RSRC1: variants seen among roughly 807,000 people sequenced by gnomAD.
RSRC1 encodes the protein serine/Arginine-related protein 53.
Under a neutral mutation model 49.1 loss-of-function variants are expected in RSRC1, and 39 were observed. The observed-to-expected ratio is 0.79, with a 90% confidence interval of 0.61 to 1.04. The LOEUF is 1.04. Ranked by LOEUF, RSRC1 falls within the 50% of genes least tolerant of loss-of-function variation. RSRC1 has a pLI of 0.00. For synonymous variants in RSRC1, 143 were observed against 130.8 expected (o/e 1.09, Z -0.63); for missense variants, 388 against 402.4 (o/e 0.96, Z 0.31).
chr3:158,434,136 AT>A (rs1735918480), intron 6 of RSRC1, among the ~76,000 whole-genome samples: 1 of 152,012 alleles, frequency 6.6e-6, no homozygotes, highest in Admixed American at 6.6e-5. Context: ...TTCCGAGGCC[AT>A]TCCCTTTCAG....
At chr3:158,351,075 T>A (rs1024038741) in intron 5 of RSRC1, among the ~76,000 whole-genome samples, 4 of 152,176 alleles carry the variant, frequency 2.6e-5, no homozygotes, top group African/African-American at 7.2e-5. Context: ...GACTGCCTTC[T>A]CTTCATTTTC....
intron 4 of RSRC1, among the ~76,000 whole-genome samples, chr3:158,266,803 A>G (rs115399757): frequency 6.6e-5 from 10 of 152,154 alleles, no homozygotes; most frequent in African/African-American, 2.4e-4. Flanking sequence ...GCTGGAGTGC[A>G]ATGGTATGAT....
intron 3 of RSRC1, among the ~76,000 whole-genome samples, chr3:158,191,254 G>T (rs1460233611): frequency 2.6e-5 from 4 of 151,844 alleles, no homozygotes; most frequent in African/African-American, 9.7e-5. Flanking sequence ...GTGAAATTAG[G>T]TGTCCATGTT....
intron 5 of RSRC1, among the ~76,000 whole-genome samples, chr3:158,316,690 C>T (rs899194530): frequency 6.6e-5 from 10 of 151,952 alleles, no homozygotes; most frequent in South Asian, 2.1e-4. Flanking sequence ...GTGATCCGCC[C>T]GCCTCGGCCT....
intron 4 of RSRC1, among the ~76,000 whole-genome samples, chr3:158,252,813 T>C (rs1369680228): frequency 6.6e-6 from 1 of 152,206 alleles, no homozygotes; most frequent in Admixed American, 6.5e-5. Flanking sequence ...TCAATCTTAG[T>C]AGACTGTATG....
intron 3 of RSRC1, among the ~76,000 whole-genome samples, chr3:158,169,353 T>C (rs970158333): frequency 7.2e-5 from 11 of 152,156 alleles, no homozygotes; most frequent in Admixed American, 2.0e-4. Flanking sequence ...ACTCCTGCTA[T>C]AGTTTACTGA....
intron 5 of RSRC1, among the ~76,000 whole-genome samples, chr3:158,331,815 A>G (rs989037194): frequency 6.0e-5 from 9 of 150,696 alleles, no homozygotes; most frequent in East Asian, 3.9e-4. Flanking sequence ...TCATTTTGGT[A>G]TAGTGGTCTT....
chr3:158,345,271 T>G (rs892853462), intron 5 of RSRC1, among the ~76,000 whole-genome samples: 1 of 151,764 alleles, frequency 6.6e-6, no homozygotes, highest in Admixed American at 6.6e-5. Flanking sequence ...AAAAGTAAAT[T>G]GCAATGTGGT....
intron 4 of RSRC1, among the ~76,000 whole-genome samples, chr3:158,286,712 A>G (rs993731454): frequency 6.6e-6 from 1 of 152,254 alleles, no homozygotes; most frequent in Non-Finnish European, 1.5e-5. Flanking sequence ...GTTGAGTTAA[A>G]TAGGAGAACA....
chr3:158,275,922 C>T lies in RSRC1; in HGVS notation c.495-22117C>T, dbSNP rs1010928217. The T allele has an allele frequency of 8.7e-5, 62 of 711,026 alleles. No homozygotes were observed. The Admixed American group carries it at 9.7e-4, about 11-fold the overall frequency. The allele number at this position is 711,026 out of a possible 1,614,324, so 44.0% of individuals were successfully genotyped here. A position where few individuals can be genotyped will look rare whatever the true frequency, so the allele number is the denominator to read the frequency against. ...TTTCAAAGGCCACGGCTCTTTTGGCCTGCAGATGTGAGCCCACACATTTCC... is the reference window on the plus strand; with the variant it reads ...TTTCAAAGGCCACGGCTCTTTTGGCTTGCAGATGTGAGCCCACACATTTCC... On this transcript the variant is annotated intron_variant, in intron 4 of 9. Transcript: ENST00000611884.
intron 5 of RSRC1, among the ~76,000 whole-genome samples, chr3:158,324,724 T>A (rs1319883276): frequency 6.6e-6 from 1 of 152,184 alleles, no homozygotes; most frequent in African/African-American, 2.4e-5. Flanking sequence ...GCAGCATGAT[T>A]TATAATCCTT....
intron 5 of RSRC1, among the ~76,000 whole-genome samples, chr3:158,316,445 T>A (rs1728457830): frequency 1.9e-5 from 2 of 105,768 alleles, no homozygotes; most frequent in South Asian, 7.9e-4. Context: ...CTCATTTTTT[T>A]TTTTTTTTTT....
intron 3 of RSRC1, among the ~76,000 whole-genome samples, chr3:158,135,331 G>A (rs1168380376): frequency 1.3e-5 from 2 of 150,752 alleles, no homozygotes; most frequent in African/African-American, 2.4e-5. Flanking sequence ...GTGCAGTGGC[G>A]CAACCTCGGC....
intron 5 of RSRC1, among the ~76,000 whole-genome samples, chr3:158,342,377 C>T (rs1730299452): frequency 6.6e-6 from 1 of 152,170 alleles, no homozygotes; most frequent in Non-Finnish European, 1.5e-5. Flanking sequence ...CCGTGCTATT[C>T]TCGTGATAGT....
At chr3:158,308,359 A>G (rs1248516142) in intron 5 of RSRC1, among the ~76,000 whole-genome samples, 1 of 151,970 alleles carries the variant, frequency 6.6e-6, no homozygotes, top group Non-Finnish European at 1.5e-5. Context: ...GTTAATCTGC[A>G]AACAGATTTT....
At chr3:158,256,122 G>A (rs1040728970) in intron 4 of RSRC1, among the ~76,000 whole-genome samples, 9 of 152,114 alleles carry the variant, frequency 5.9e-5, no homozygotes, top group Non-Finnish European at 1.0e-4. Context: ...GTGAGAGAGG[G>A]CATCCTTGTC....
At chr3:158,160,779 G>GT (rs1158057978) in intron 3 of RSRC1, among the ~76,000 whole-genome samples, 5 of 152,022 alleles carry the variant, frequency 3.3e-5, no homozygotes, top group Admixed American at 6.6e-5. Flanking sequence ...TGAAGTTAAA[G>GT]TTTTTTTTAG....
At chr3:158,456,544 A>G (rs1192813665) in intron 6 of RSRC1, among the ~76,000 whole-genome samples, 5 of 152,202 alleles carry the variant, frequency 3.3e-5, no homozygotes, top group Admixed American at 6.5e-5. Context: ...AAAGTGCTGT[A>G]CATCCCATAA....
chr3:158,357,642 T>G (rs1269938211), intron 6 of RSRC1, among the ~76,000 whole-genome samples: 1 of 150,646 alleles, frequency 6.6e-6, no homozygotes, highest in East Asian at 1.9e-4. Flanking sequence ...TTCATTATAT[T>G]ATTAAAAATA....
Sources: allele counts gnomAD v4.1 joint callset (sites outside exome capture counted in the v4.1 genomes callset), GRCh38; gene constraint gnomAD v4.1.1; transcripts MANE v1.5; gene names NCBI Gene and HGNC (gene_info 2026-07-23, HGNC 2026-07-21).